Variants in NXN observed in about 807,000 individuals in gnomAD.
The protein encoded by NXN is nucleoredoxin 1.
A neutral mutation model predicts 48.6 loss-of-function variants in NXN; 16 were observed. The observed-to-expected ratio is 0.33, with a 90% CI of 0.22 to 0.50. The LOEUF (loss-of-function observed/expected upper bound fraction) is 0.50. Ranked by LOEUF, NXN falls within the 20% of genes least tolerant of loss-of-function variation. NXN has a pLI of 0.98. For synonymous variants in NXN, 281 were observed against 269.6 expected (o/e 1.04, Z -0.41); for missense variants, 492 against 605.5 (o/e 0.81, Z 1.97).
At position 958,600 on chromosome 17, in the gene NXN, A is replaced by G. The variant is rs766051622; in HGVS notation, c.360+20719T>C. 5.3e-5 allele frequency among the ~76,000 whole-genome samples: 8 copies of G among 152,026 alleles called. No individual in the cohort carries two copies. Among genetic ancestry groups the G allele is most frequent in the South Asian group, 4.1e-4 (2 of 4,826 alleles). ...AGCCTGGCCAACATGGTGAAACCCC[A>G]TCTGTACTAAAAATACAAAAATTAG... is the stretch of plus-strand genomic sequence containing the variant. On this transcript the variant is annotated intron_variant, in intron 1 of 7. Transcript: ENST00000336868. The surrounding 1 kb of genome is among the most constrained non-coding windows in gnomAD (Gnocchi z 6.9).
At chr17:881,524 G>A (rs1354893999) in intron 1 of NXN, among the ~76,000 whole-genome samples, 1 of 152,204 alleles carries the variant, frequency 6.6e-6, no homozygotes, top group Non-Finnish European at 1.5e-5. Context: ...GCCATGCCTG[G>A]TCAGTACAAC....
intron 1 of NXN, among the ~76,000 whole-genome samples, chr17:934,058 A>T (rs933487134): frequency 4.6e-5 from 7 of 152,196 alleles, no homozygotes; most frequent in African/African-American, 1.7e-4. Context: ...TTTATTTTTC[A>T]CTTTATGATT....
chr17:812,998 G>GT (rs1456456350), intron 5 of NXN, among the ~76,000 whole-genome samples: 1 of 152,010 alleles, frequency 6.6e-6, no homozygotes, highest in African/African-American at 2.4e-5. Flanking sequence ...GAATGTAGGT[G>GT]TTTGCATGTG....
chr17:856,991 C>G lies in NXN; in HGVS notation c.361-30913G>C, dbSNP rs374864381. Among the ~76,000 whole-genome samples the G allele has an allele frequency of 9.2e-5, 14 of 152,292 alleles. No individual in the cohort carries two copies. In the East Asian group the frequency reaches 2.1e-3, roughly 23 times the overall value. On this transcript the variant is annotated intron_variant, in intron 1 of 7. Coordinates refer to ENST00000336868, the MANE Select transcript of NXN (RefSeq NM_022463.5). ...ACGTCACCCAGTTCCAGAGCTACTC[C>G]CACCACTTCAGGTATCAGTTACAGC...
intron 1 of NXN, among the ~76,000 whole-genome samples, chr17:871,586 G>A (rs559376845): frequency 5.6e-4 from 85 of 151,622 alleles, no homozygotes; most frequent in African/African-American, 2.0e-3. Flanking sequence ...TGTAGTTTTA[G>A]TAGAGACGGG....
intron 1 of NXN, among the ~76,000 whole-genome samples, chr17:836,704 C>G (rs2144689982): frequency 6.6e-6 from 1 of 152,302 alleles, no homozygotes; most frequent in African/African-American, 2.4e-5. Context: ...ATGTAGATAA[C>G]AGAACCTACA....
At chr17:940,090 C>A (rs972465775) in intron 1 of NXN, among the ~76,000 whole-genome samples, 1 of 151,920 alleles carries the variant, frequency 6.6e-6, no homozygotes, top group Non-Finnish European at 1.5e-5. Context: ...CAGGCCACCA[C>A]GCCAGCTAAC....
Position 932,195 on chromosome 17 carries a change from T to C in NXN, c.360+47124A>G, listed in dbSNP as rs1597252361. The stretch of plus-strand genomic sequence containing the variant: ...AGAAATGTTTAATTATTTGGAATCC[T>C]GGAAAAAAAAGCTAAGGCAAAGCTG... On this transcript the variant is annotated intron_variant, in intron 1 of 7. Coordinates refer to ENST00000336868, the MANE Select transcript of NXN (RefSeq NM_022463.5). This position sits in a 1 kb window ranked among gnomAD's most constrained non-coding sequence, Gnocchi z 4.1. Among the ~76,000 whole-genome samples the C allele has an allele frequency of 6.6e-6, 1 of 152,160 alleles. No individual in the cohort carries two copies. Among genetic ancestry groups the C allele is most frequent in the African/African-American group, 2.4e-5 (1 of 41,430 alleles).
intron 1 of NXN, among the ~76,000 whole-genome samples, chr17:839,787 G>C (rs12952903): frequency 0.079 from 5,608 of 71,162 alleles, 229 homozygotes; most frequent in East Asian, 0.45. Context: ...TGGCGACAGA[G>C]AGACCTTGTT....
At chr17:901,907 C>A (rs1480927772) in intron 1 of NXN, among the ~76,000 whole-genome samples, 1 of 152,052 alleles carries the variant, frequency 6.6e-6, no homozygotes, top group African/African-American at 2.4e-5. Context: ...GCCATGATGG[C>A]CAGGCTGGTC....
At chr17:900,910 ATTCT>A (rs1301141120) in intron 1 of NXN, among the ~76,000 whole-genome samples, 2 of 124,336 alleles carry the variant, frequency 1.6e-5, no homozygotes, top group African/African-American at 3.1e-5. Context: ...ATAGATCTGC[ATTCT>A]TTTTTTTTTT....
chr17:823,146 C>T (rs1452764569), intron 3 of NXN, among the ~76,000 whole-genome samples: 2 of 150,920 alleles, frequency 1.3e-5, no homozygotes, highest in Non-Finnish European at 2.9e-5. Flanking sequence ...TGCTTGTAAT[C>T]CCAGCACTTT....
intron 1 of NXN, among the ~76,000 whole-genome samples, chr17:911,576 G>A (rs1053327165): frequency 2.6e-5 from 4 of 151,688 alleles, no homozygotes; most frequent in African/African-American, 4.8e-5. Context: ...TGATCCACCC[G>A]TCTCAGCCTC....
chr17:913,135 A>C (rs1488613052), intron 1 of NXN, among the ~76,000 whole-genome samples: 2 of 152,208 alleles, frequency 1.3e-5, no homozygotes, highest in African/African-American at 4.8e-5. Context: ...GTCACCAATA[A>C]AATCTAGATT....
chr17:874,377 A>C (rs1039037547), intron 1 of NXN, among the ~76,000 whole-genome samples: 1 of 152,150 alleles, frequency 6.6e-6, no homozygotes, highest in Admixed American at 6.5e-5. Context: ...TGAGGTCAGG[A>C]GTTTGAGACC....
intron 1 of NXN, among the ~76,000 whole-genome samples, chr17:829,094 C>T (rs897454675): frequency 2.0e-5 from 3 of 151,028 alleles, no homozygotes; most frequent in African/African-American, 7.3e-5. Flanking sequence ...TTCATTTTTC[C>T]AGTTCGCTAG....
Position 978,906 on chromosome 17 carries a change from C to A in NXN, c.360+413G>T, listed in dbSNP as rs1483932472. On this transcript the variant is annotated intron_variant, in intron 1 of 7. Transcript: ENST00000336868. The surrounding 1 kb of genome is among the most constrained non-coding windows in gnomAD (Gnocchi z 4.1). ...GGCGGCGGAGGCAGGAAGGGCCTGG[C>A]GCCTCTGCTCGCGGGTGAAGGGGTC... Among the ~76,000 whole-genome samples, 1 of 151,186 alleles carries A rather than the reference C, an allele frequency of 6.6e-6. No individual in the cohort carries two copies. The highest frequency in any genetic ancestry group is 2.4e-5 in the African/African-American group (1 of 41,144).
chr17:841,833 C>A (rs1914340641), intron 1 of NXN, among the ~76,000 whole-genome samples: 1 of 152,188 alleles, frequency 6.6e-6, no homozygotes, highest in Non-Finnish European at 1.5e-5. Flanking sequence ...TGTTCTACAT[C>A]CTTCCAATTA....
At chr17:810,298 C>T (rs866344784) in intron 5 of NXN, among the ~76,000 whole-genome samples, 1 of 95,010 alleles carries the variant, frequency 1.1e-5, no homozygotes, top group African/African-American at 3.5e-5. Context: ...GTGCACGTTA[C>T]GAGTCTGTGA....
Sources: allele counts gnomAD v4.1 joint callset (sites outside exome capture counted in the v4.1 genomes callset), GRCh38; gene constraint gnomAD v4.1.1; non-coding constraint Gnocchi (gnomAD v3.1); transcripts MANE v1.5; gene names NCBI Gene and HGNC (gene_info 2026-07-23, HGNC 2026-07-21).